Variants in STARD3 observed in about 807,000 individuals in gnomAD.
STARD3 encodes stAR-related lipid transfer protein 3.
In STARD3, 39 loss-of-function variants were observed where a neutral mutation model predicts 62.0. That is an observed-to-expected ratio of 0.63 (90% CI 0.49 to 0.82). STARD3 has a LOEUF of 0.82. Among genes scored for constraint, STARD3 ranks in the 40% least tolerant of loss-of-function variants. STARD3 has a pLI of 0.00. For missense variants in STARD3, 543 were observed against 584.5 expected (o/e 0.93, Z 0.73); for synonymous variants, 229 against 242.4 (o/e 0.94, Z 0.51).
intron 14 of STARD3, 158 bp downstream of exon 14, chr17:39,662,502 GTC>G: frequency 1.4e-6 from 1 of 735,200 alleles, no homozygotes; most frequent in South Asian, 1.8e-5. Context: ...GGTCCAGATG[GTC>G]TCTTAGCCCT....
chr17:39,642,930 TCAAGGGGAAGAGG>T (rs1213023262), intron 1 of STARD3, among the ~76,000 whole-genome samples: 3 of 151,744 alleles, frequency 2.0e-5, no homozygotes, highest in Non-Finnish European at 4.4e-5. Context: ...AGTAGAGGGC[TCAAGGGGAAGAGG>T]AAAGGGGAAG....
intron 8 of STARD3, 123 bp from the exon 9 acceptor site, chr17:39,659,338 C>T: frequency 1.9e-6 from 2 of 1,067,858 alleles, no homozygotes; most frequent in East Asian, 2.5e-5. Context: ...AGCCCAGATC[C>T]CACATGTGGC....
intron 2 of STARD3, among the ~76,000 whole-genome samples, chr17:39,655,021 G>A (rs1045803536): frequency 2.0e-5 from 3 of 152,202 alleles, no homozygotes; most frequent in African/African-American, 7.2e-5. Context: ...AAAAGCTGTG[G>A]CCCAGCAGGC....
chr17:39,653,423 G>A, intron 1 of STARD3, 58 bp from the exon 2 acceptor site: 1 of 1,175,838 alleles, frequency 8.5e-7, no homozygotes, highest in Middle Eastern at 2.8e-4. Flanking sequence ...TGGCCCTGGT[G>A]GCTGTGTGGG....
In STARD3 at chr17:39,663,026, C is replaced by A; in HGVS notation, c.*118C>A. On this transcript the variant is annotated 3_prime_UTR_variant, in exon 15 of 15. Transcript: ENST00000336308. Reference sequence around the variant, plus strand: ...GACCTGGCCCCAGGCTGTCACCCTCCACCGAGCCACGCAGTGCCTGGAGTT... The same window carrying A: ...GACCTGGCCCCAGGCTGTCACCCTCAACCGAGCCACGCAGTGCCTGGAGTT... The A allele has an allele frequency of 9.7e-7, 1 of 1,033,210 alleles. No individual in the cohort carries two copies. Among genetic ancestry groups the A allele is most frequent in the Non-Finnish European group, 1.4e-6 (1 of 724,324 alleles). 64.0% of individuals were successfully genotyped at this position (1,033,210 alleles called of 1,614,324 possible). A position where few individuals can be genotyped will look rare whatever the true frequency, so the allele number is the denominator to read the frequency against.
At chr17:39,642,020 C>T (rs117071932) in intron 1 of STARD3, among the ~76,000 whole-genome samples, 102 of 152,332 alleles carry the variant, frequency 6.7e-4, no homozygotes, top group Non-Finnish European at 1.2e-3. Context: ...TGAGGAGAAG[C>T]TCTGCCCCGG....
At chr17:39,646,512 C>T (rs1018017552) in intron 1 of STARD3, among the ~76,000 whole-genome samples, 1 of 152,160 alleles carries the variant, frequency 6.6e-6, no homozygotes, top group African/African-American at 2.4e-5. Flanking sequence ...CTTGGCCTCC[C>T]AAAGTGCTGG....
At chr17:39,656,941 G>C (rs936822113) in intron 2 of STARD3, 67 bp from the exon 3 acceptor site, 1 of 1,510,894 alleles carries the variant, frequency 6.6e-7, no homozygotes, top group Admixed American at 1.7e-5. Context: ...TGCCCCTTCC[G>C]GGAGGTGAGG....
chr17:39,660,869 G>A lies in STARD3; in HGVS notation c.1014G>A (p.Ala338=), dbSNP rs141159762. 17 of 1,600,486 alleles carry A rather than the reference G, an allele frequency of 1.1e-5. No homozygotes were observed. Among genetic ancestry groups the A allele is most frequent in the South Asian group, 6.7e-5 (6 of 89,618 alleles). ...LISYDVSAGA[A]GGVVSPRDFV... Reference sequence around the variant, plus strand: ...CCTATGACGTGTCTGCAGGGGCTGCGGGCGGCGTGGTCTCCCCAAGGTGAG... The same window carrying A: ...CCTATGACGTGTCTGCAGGGGCTGCAGGCGGCGTGGTCTCCCCAAGGTGAG... Residue 338 remains alanine, a synonymous_variant, in exon 12 of 15, where the codon GCG becomes GCA. Coordinates refer to ENST00000336308, the MANE Select transcript of STARD3 (RefSeq NM_006804.4). The surrounding 1 kb of genome is among the most constrained non-coding windows in gnomAD (Gnocchi z 4.8).
chr17:39,639,887 C>T (rs1165559422), intron 1 of STARD3, among the ~76,000 whole-genome samples: 2 of 152,208 alleles, frequency 1.3e-5, no homozygotes, highest in Non-Finnish European at 2.9e-5. Context: ...GATGGCCCCT[C>T]CTCCCTGTGG....
chr17:39,656,817 T>G (rs1355651616), intron 2 of STARD3, 191 bp from the exon 3 acceptor site: 9 of 590,278 alleles, frequency 1.5e-5, no homozygotes, highest in Non-Finnish European at 2.1e-5. Context: ...AGGACTGGTA[T>G]TGGTGCCTGA....
chr17:39,646,738 T>A (rs1239273102), intron 1 of STARD3, among the ~76,000 whole-genome samples: 1 of 152,156 alleles, frequency 6.6e-6, no homozygotes, highest in African/African-American at 2.4e-5. Context: ...CAAAACCCTA[T>A]TACAAGTGGG....
At chr17:39,661,156 AG>A in intron 13 of STARD3, 71 bp downstream of exon 13, 2 of 1,394,086 alleles carry the variant, frequency 1.4e-6, no homozygotes, top group South Asian at 2.4e-5. Context: ...TGCAGGGTAC[AG>A]CATGTACAGC....
intron 1 of STARD3, among the ~76,000 whole-genome samples, chr17:39,647,622 C>T (rs1323678255): frequency 6.6e-6 from 1 of 152,144 alleles, no homozygotes; most frequent in East Asian, 1.9e-4. Context: ...CTTAGACTGG[C>T]AGGTGGTCTG....
intron 1 of STARD3, among the ~76,000 whole-genome samples, chr17:39,650,705 T>G (rs1244411157): frequency 6.6e-6 from 1 of 152,114 alleles, no homozygotes; most frequent in Non-Finnish European, 1.5e-5. Context: ...TCTCAGCTAC[T>G]TGGGAGGCTG....
chr17:39,654,385 G>A (rs765865375), intron 2 of STARD3, among the ~76,000 whole-genome samples: 14 of 152,202 alleles, frequency 9.2e-5, no homozygotes, highest in Non-Finnish European at 1.9e-4. Context: ...CTGAGTGACA[G>A]AGTGAGACCC....
intron 1 of STARD3, among the ~76,000 whole-genome samples, chr17:39,650,253 G>A (rs548122433): frequency 1.4e-4 from 21 of 152,254 alleles, no homozygotes; most frequent in Non-Finnish European, 2.6e-4. Flanking sequence ...GTGTGAAGAC[G>A]GACACATGGG....
chr17:39,662,433 C>A, intron 14 of STARD3, 89 bp downstream of exon 14: 1 of 1,276,260 alleles, frequency 7.8e-7, no homozygotes, highest in Non-Finnish European at 1.1e-6. Context: ...TGGGGGCTCT[C>A]TGCCATGCCT....
In STARD3 at chr17:39,659,165, G is replaced by A. The variant is rs1049093186; in HGVS notation, c.702+59G>A. 3.7e-6 allele frequency: 6 copies of A among 1,608,276 alleles called. No homozygotes were observed. In the African/African-American group the frequency reaches 5.3e-5, roughly 14 times the overall value. On this transcript the variant is annotated intron_variant, in intron 8 of 14. Transcript: ENST00000336308. ...GGAATGGGTGCCTGGAGGAGGGCGG[G>A]TGCAGGGGTCAGCCGGGGTGGGCAG...
Sources: gnomAD v4.1 joint callset for allele counts (sites outside exome capture counted in the v4.1 genomes callset) on GRCh38, gnomAD v4.1.1 for gene constraint, Gnocchi (gnomAD v3.1) non-coding constraint, MANE v1.5 for transcripts, NCBI Gene and HGNC (gene_info 2026-07-23, HGNC 2026-07-21) for gene names.